The following SLCO1B1 variants were observed in gnomAD, a reference collection of about 807,000 sequenced individuals.
The protein encoded by SLCO1B1 is OATP-2.
In SLCO1B1, 81 loss-of-function variants were observed where a neutral mutation model predicts 70.1. The ratio of observed to expected loss-of-function variants is 1.16; its 90% CI spans 0.97 to 1.39. The LOEUF is 1.39. Among genes scored for constraint, SLCO1B1 ranks in the 40% most tolerant of loss-of-function variants. The pLI is 0.00. For missense variants in SLCO1B1, 895 were observed against 799.6 expected, an observed-to-expected ratio of 1.12 and a Z score of -1.44; for synonymous variants, 283 against 271.5, an observed-to-expected ratio of 1.04 and a Z score of -0.42.
At chr12:21,228,547 CAAGAT>C (rs765187263) in intron 14 of SLCO1B1, among the ~76,000 whole-genome samples, 39 of 151,850 alleles carry the variant, frequency 2.6e-4, no homozygotes, top group Non-Finnish European at 4.6e-4. Flanking sequence ...TAGCTGAACT[CAAGAT>C]AAGAAAATTA....
At chr12:21,170,195 A>G (rs1248752633) in intron 2 of SLCO1B1, among the ~76,000 whole-genome samples, 2 of 152,196 alleles carry the variant, frequency 1.3e-5, no homozygotes, top group African/African-American at 4.8e-5. Context: ...AACCTCCCTA[A>G]AAGTCAAAAT....
chr12:21,200,782 A>C, intron 9 of SLCO1B1, 110 bp downstream of exon 9: 1 of 883,518 alleles, frequency 1.1e-6, no homozygotes, highest in South Asian at 1.8e-5. Context: ...AATACAGGAT[A>C]AGTATAATTT....
chr12:21,202,589 T>G lies in SLCO1B1; in HGVS notation c.1234T>G (p.Cys412Gly), dbSNP rs755233070. The G allele has an allele frequency of 1.9e-6, 3 of 1,612,732 alleles. No homozygotes were observed. The highest frequency in any genetic ancestry group is 2.5e-6 in the Non-Finnish European group (3 of 1,179,198). ...LNTVGIAKFS[C>G]FTAVMSLSFY... ...CACCGTTGGAATTGCCAAATTCTCATGTTTTACTGCTGTGATGTCATTGTC... is the reference window on the plus strand; with the variant it reads ...CACCGTTGGAATTGCCAAATTCTCAGGTTTTACTGCTGTGATGTCATTGTC... Residue 412 changes from cysteine to glycine, a missense_variant, in exon 10 of 15, where the codon TGT (cysteine) becomes GGT (glycine). Transcript: ENST00000256958.
intron 2 of SLCO1B1, among the ~76,000 whole-genome samples, chr12:21,142,187 A>G (rs1337840591): frequency 6.6e-6 from 1 of 151,860 alleles, no homozygotes; most frequent in Admixed American, 6.6e-5. Context: ...CGATTTAGAA[A>G]AGCCATTTAA....
At chr12:21,149,305 T>G (rs186609136) in intron 2 of SLCO1B1, among the ~76,000 whole-genome samples, 1 of 152,286 alleles carries the variant, frequency 6.6e-6, no homozygotes, top group African/African-American at 2.4e-5. Flanking sequence ...TTGTGCCGGT[T>G]TTCAAAGGGA....
At chr12:21,153,290 C>G (rs1458983854) in intron 2 of SLCO1B1, among the ~76,000 whole-genome samples, 1 of 152,092 alleles carries the variant, frequency 6.6e-6, no homozygotes, top group African/African-American at 2.4e-5. Context: ...ATTGTATTTT[C>G]TTATCTCATG....
chr12:21,177,444 A>T (rs554703059), intron 5 of SLCO1B1, among the ~76,000 whole-genome samples: 2 of 152,304 alleles, frequency 1.3e-5, no homozygotes, highest in South Asian at 4.1e-4. Context: ...CTTTTTGCCT[A>T]TTATAACACA....
At chr12:21,175,053 A>G (rs552170897) in intron 4 of SLCO1B1, among the ~76,000 whole-genome samples, 43 of 152,298 alleles carry the variant, frequency 2.8e-4, no homozygotes, top group Middle Eastern at 3.4e-3. Flanking sequence ...CCACTGAAGT[A>G]TAGTTGTTCC....
chr12:21,201,061 T>A (rs1941152050), intron 9 of SLCO1B1, among the ~76,000 whole-genome samples: 1 of 152,138 alleles, frequency 6.6e-6, no homozygotes, highest in Admixed American at 6.6e-5. Flanking sequence ...ATGACACTAA[T>A]AGTTCCAAAA....
At chr12:21,137,959 C>T (rs1406865907) in intron 1 of SLCO1B1, among the ~76,000 whole-genome samples, 1 of 152,180 alleles carries the variant, frequency 6.6e-6, no homozygotes, top group African/African-American at 2.4e-5. Flanking sequence ...CAGAGCTGTT[C>T]CTATTTGGCC....
At chr12:21,181,754 C>T (rs959225482) in intron 7 of SLCO1B1, among the ~76,000 whole-genome samples, 12 of 151,952 alleles carry the variant, frequency 7.9e-5, no homozygotes, top group South Asian at 4.2e-4. Flanking sequence ...AAATTATGCT[C>T]GTCCACTTAT....
chr12:21,229,825 TTTC>T lies in SLCO1B1; in HGVS notation c.1865+4989_1865+4991del, dbSNP rs550814311. Among the ~76,000 whole-genome samples the T allele has an allele frequency of 2.6e-4, 39 of 152,354 alleles. No individual in the cohort carries two copies. In the East Asian group the frequency reaches 7.3e-3, roughly 29 times the overall value. ...TCATATTGCAAACAAAGACAATTTC[TTTC>T]TTTTCAATCTATATACATTTCATTT... On this transcript the variant is annotated intron_variant, in intron 14 of 14. Coordinates refer to ENST00000256958, the MANE Select transcript of SLCO1B1 (RefSeq NM_006446.5).
At chr12:21,137,359 G>GT (rs1315623761) in intron 1 of SLCO1B1, among the ~76,000 whole-genome samples, 1 of 152,188 alleles carries the variant, frequency 6.6e-6, no homozygotes, top group African/African-American at 2.4e-5. Flanking sequence ...CTTCAAAGCT[G>GT]TCAGAGAGGG....
intron 1 of SLCO1B1, among the ~76,000 whole-genome samples, chr12:21,133,882 A>G (rs1031352329): frequency 5.3e-5 from 8 of 152,200 alleles, no homozygotes; most frequent in Non-Finnish European, 7.4e-5. Context: ...GAATAGGAGC[A>G]GTGAGAGAGG....
rs752751282 is a variant in SLCO1B1, at chr12:21,172,788, A to G, written c.223A>G (p.Ile75Val). ...LVGFIDGSFE[I>V]GNLLVIVFVS... Reference sequence around the variant, plus strand: ...TGGTTTTATTGACGGAAGCTTTGAAATTGGTAACATTTATTTTCTATTTTA... The same window carrying G: ...TGGTTTTATTGACGGAAGCTTTGAAGTTGGTAACATTTATTTTCTATTTTA... The change falls in exon 3 of 15, where the codon ATT (isoleucine) becomes GTT (valine). Residue 75 changes from isoleucine (I) to valine (V), a missense_variant. Coordinates refer to ENST00000256958, the MANE Select transcript of SLCO1B1 (RefSeq NM_006446.5). The G allele has an allele frequency of 1.9e-6, 3 of 1,612,294 alleles. No homozygotes were observed. Among genetic ancestry groups the G allele is most frequent in the Non-Finnish European group, 2.5e-6 (3 of 1,179,152 alleles).
At chr12:21,215,292 A>G (rs1377041584) in intron 11 of SLCO1B1, among the ~76,000 whole-genome samples, 2 of 152,130 alleles carry the variant, frequency 1.3e-5, no homozygotes, top group Non-Finnish European at 1.5e-5. Flanking sequence ...TTTGCACATT[A>G]TATATGAAGT....
intron 2 of SLCO1B1, among the ~76,000 whole-genome samples, chr12:21,153,135 C>G (rs1940496461): frequency 6.6e-6 from 1 of 152,152 alleles, no homozygotes; most frequent in Non-Finnish European, 1.5e-5. Flanking sequence ...TGCCATTGGT[C>G]CTCACCTCTT....
chr12:21,151,533 G>A (rs1278521221), intron 2 of SLCO1B1, among the ~76,000 whole-genome samples: 1 of 152,150 alleles, frequency 6.6e-6, no homozygotes, highest in East Asian at 1.9e-4. Context: ...TTTAAAAACA[G>A]TTATGTCTTA....
chr12:21,176,813 G>A lies in SLCO1B1; in HGVS notation c.397G>A (p.Glu133Lys). 6.5e-7 allele frequency: 1 copy of A among 1,542,256 alleles called. No individual in the cohort carries two copies. Among genetic ancestry groups the A allele is most frequent in the Non-Finnish European group, 9.0e-7 (1 of 1,115,378 alleles). Residue 133 changes from glutamate (E) to lysine (K), a missense_variant, in exon 5 of 15, where the codon GAA (glutamate) becomes AAA (lysine). Coordinates refer to ENST00000256958, the MANE Select transcript of SLCO1B1 (RefSeq NM_006446.5). Reference protein sequence around the residue: ...YSKETNINSSENSTSTLSTCL... With the variant: ...YSKETNINSSKNSTSTLSTCL... Reference sequence around the variant, plus strand: ...TAAAGAAACTAATATCAATTCATCAGAAAATTCAACATCGACCTTATCCAC... The same window carrying A: ...TAAAGAAACTAATATCAATTCATCAAAAAATTCAACATCGACCTTATCCAC...
Sources: gnomAD v4.1 joint callset for allele counts (sites outside exome capture counted in the v4.1 genomes callset) on GRCh38, gnomAD v4.1.1 for gene constraint, MANE v1.5 for transcripts, NCBI Gene and HGNC (gene_info 2026-07-23, HGNC 2026-07-21) for gene names.